ADAM9: variants seen among roughly 807,000 people sequenced by gnomAD.
The protein encoded by ADAM9 is ADAM metallopeptidase domain 9, also known as disintegrin and metalloproteinase domain-containing protein 9.
In ADAM9, 54 loss-of-function variants were observed where a neutral mutation model predicts 108.1. The ratio of observed to expected loss-of-function variants is 0.50; its 90% CI spans 0.40 to 0.63. The LOEUF (loss-of-function observed/expected upper bound fraction) is 0.63. ADAM9 is among the 20% of genes least tolerant of loss of function. The probability of loss-of-function intolerance (pLI) is 0.00; values close to 1 mark genes in which losing one functional copy is unlikely to be tolerated. For synonymous variants in ADAM9, 316 were observed against 336.0 expected, an observed-to-expected ratio of 0.94 and a Z score of 0.65; for missense variants, 830 against 997.7, an observed-to-expected ratio of 0.83 and a Z score of 2.26.
intron 11 of ADAM9, among the ~76,000 whole-genome samples, chr8:39,034,578 C>G (rs550514882): frequency 2.6e-4 from 39 of 152,176 alleles, no homozygotes; most frequent in African/African-American, 7.9e-4. Context: ...TAGTGTATCT[C>G]TTAGTTTTTG....
intron 18 of ADAM9, among the ~76,000 whole-genome samples, chr8:39,088,378 C>T (rs1056188113): frequency 1.3e-5 from 2 of 152,024 alleles, no homozygotes; most frequent in Admixed American, 1.3e-4. Flanking sequence ...CCTCAGCCTC[C>T]CGAGTGGCTG....
intron 14 of ADAM9, among the ~76,000 whole-genome samples, chr8:39,064,525 G>T (rs1181860288): frequency 6.6e-6 from 1 of 152,196 alleles, no homozygotes; most frequent in African/African-American, 2.4e-5. Context: ...GGAGACACAG[G>T]AGAGATGATG....
chr8:39,047,275 G>T (rs549071842), intron 12 of ADAM9, among the ~76,000 whole-genome samples: 2 of 152,078 alleles, frequency 1.3e-5, no homozygotes, highest in Non-Finnish European at 2.9e-5. Flanking sequence ...TTGGCATATT[G>T]GCCTTGGTGA....
At chr8:39,038,737 G>A (rs1341164294) in intron 11 of ADAM9, among the ~76,000 whole-genome samples, 3 of 152,076 alleles carry the variant, frequency 2.0e-5, no homozygotes, top group African/African-American at 7.2e-5. Flanking sequence ...TGCACAAAAG[G>A]ACTCCTCCCC....
chr8:39,076,616 T>A (rs1412561978), intron 15 of ADAM9, among the ~76,000 whole-genome samples: 1 of 152,130 alleles, frequency 6.6e-6, no homozygotes, highest in Non-Finnish European at 1.5e-5. Context: ...TTGTTGGAAA[T>A]ACCTAGAGTG....
At chr8:39,078,975 G>A (rs1345989665) in intron 16 of ADAM9, among the ~76,000 whole-genome samples, 2 of 152,148 alleles carry the variant, frequency 1.3e-5, no homozygotes, top group South Asian at 2.1e-4. Flanking sequence ...TATTGAATGA[G>A]TCCACAACAT....
chr8:39,058,154 C>T (rs1409101774), intron 14 of ADAM9, among the ~76,000 whole-genome samples: 1 of 152,108 alleles, frequency 6.6e-6, no homozygotes, highest in Non-Finnish European at 1.5e-5. Flanking sequence ...TACTTAAATG[C>T]TATAATATCA....
intron 5 of ADAM9, chr8:39,016,967 GC>G: frequency 2.1e-6 from 1 of 487,472 alleles, no homozygotes; most frequent in South Asian, 2.2e-5. Context: ...ATTTTGTAGT[GC>G]CTTCCATTTC....
intron 3 of ADAM9, among the ~76,000 whole-genome samples, chr8:39,013,089 C>G (rs1360297360): frequency 3.3e-5 from 5 of 152,156 alleles, no homozygotes; most frequent in Non-Finnish European, 7.4e-5. Context: ...TACAGCTGCT[C>G]CAGTCCTGCT....
intron 12 of ADAM9, among the ~76,000 whole-genome samples, chr8:39,050,830 GTTTTT>G: frequency 1.2e-5 from 1 of 85,238 alleles, no homozygotes; most frequent in Non-Finnish European, 2.2e-5. Context: ...GCTTGGAAGT[GTTTTT>G]TTTTTTTTTT....
intron 1 of ADAM9, among the ~76,000 whole-genome samples, chr8:39,001,761 A>G (rs970128675): frequency 5.9e-5 from 9 of 151,494 alleles, no homozygotes. Flanking sequence ...TCTGCCTCCC[A>G]GGTTCAAGCG....
intron 11 of ADAM9, among the ~76,000 whole-genome samples, chr8:39,032,432 C>T (rs1333353054): frequency 6.6e-6 from 1 of 152,256 alleles, no homozygotes; most frequent in Non-Finnish European, 1.5e-5. Flanking sequence ...CTGCCTGCTG[C>T]CCTAGCAGTG....
chr8:39,017,670 C>T (rs1423723576), intron 6 of ADAM9, among the ~76,000 whole-genome samples: 1 of 152,182 alleles, frequency 6.6e-6, no homozygotes, highest in Non-Finnish European at 1.5e-5. Flanking sequence ...TCACTGTGGC[C>T]TTGACCTCTT....
intron 3 of ADAM9, among the ~76,000 whole-genome samples, 155 bp from the exon 4 acceptor site, chr8:39,013,810 C>G (rs1038976068): frequency 1.3e-5 from 2 of 152,120 alleles, no homozygotes; most frequent in South Asian, 4.2e-4. Context: ...CTGTTATGAG[C>G]TTTTAATTTT....
chr8:39,055,918 G>C (rs1441243844), intron 14 of ADAM9, 146 bp downstream of exon 14: 5 of 819,906 alleles, frequency 6.1e-6, no homozygotes, highest in African/African-American at 3.5e-5. Context: ...AGGCAGTCAT[G>C]ATCATGAATT....
intron 15 of ADAM9, chr8:39,076,295 A>G (rs1032349040): frequency 2.6e-5 from 4 of 152,228 alleles, no homozygotes; most frequent in African/African-American, 7.2e-5. Flanking sequence ...TAGGAGCTGC[A>G]TAATAATTGT....
Position 39,042,121 on chromosome 8 carries a change from A to C in ADAM9, c.1302+4A>C. The C allele has an allele frequency of 6.2e-7, 1 of 1,614,012 alleles. No homozygotes were observed. The highest frequency in any genetic ancestry group is 2.2e-5 in the East Asian group (1 of 44,872). ...GTGTGACTGTGGTACTCCAAAGGTC[A>C]GTTTAATTTTTGACTTTTGCCTTGT... is the stretch of plus-strand genomic sequence containing the variant. On this transcript the variant is annotated splice_donor_region_variant and intron_variant, in intron 12 of 21. Transcript: ENST00000487273.
At chr8:39,018,269 T>C (rs1281436267) in intron 6 of ADAM9, among the ~76,000 whole-genome samples, 1 of 151,950 alleles carries the variant, frequency 6.6e-6, no homozygotes, top group African/African-American at 2.4e-5. Context: ...ATCCACTCTT[T>C]TGACTTGGGC....
chr8:39,039,651 C>A (rs1430453907), intron 11 of ADAM9, among the ~76,000 whole-genome samples: 1 of 152,112 alleles, frequency 6.6e-6, no homozygotes. Flanking sequence ...CAACATTTTT[C>A]TTTTTCTGTC....
Sources: allele counts gnomAD v4.1 joint callset (sites outside exome capture counted in the v4.1 genomes callset), GRCh38; gene constraint gnomAD v4.1.1; transcripts MANE v1.5; gene names NCBI Gene and HGNC (gene_info 2026-07-23, HGNC 2026-07-21).